Variants in PLEKHO2 observed in about 807,000 individuals in gnomAD.
PLEKHO2 encodes the protein pleckstrin homology domain containing O2.
Under a neutral mutation model 32.7 loss-of-function variants are expected in PLEKHO2, and 20 were observed. That is an observed-to-expected ratio of 0.61 (90% CI 0.43 to 0.89). PLEKHO2 has a LOEUF of 0.89. PLEKHO2 is among the 40% of genes least tolerant of loss of function. The pLI is 0.00. For missense variants in PLEKHO2, 568 were observed against 621.2 expected, an observed-to-expected ratio of 0.91 and a Z score of 0.91; for synonymous variants, 247 against 246.3, an observed-to-expected ratio of 1.00 and a Z score of -0.03.
At chr15:64,855,177 A>G (rs1404707680) in intron 3 of PLEKHO2, 140 bp downstream of exon 3, 1 of 645,970 alleles carries the variant, frequency 1.5e-6, no homozygotes, top group Admixed American at 2.5e-5. Flanking sequence ...CCTAGCAGCC[A>G]CCATAGGTCA....
In PLEKHO2 at chr15:64,865,380, A is replaced by G. The variant is rs1017514825; in HGVS notation, c.965A>G (p.Lys322Arg). 1.2e-6 allele frequency: 2 copies of G among 1,613,664 alleles called. No homozygotes were observed. The highest frequency in any genetic ancestry group is 1.7e-6 in the Non-Finnish European group (2 of 1,179,686). Residue 322 changes from lysine (K) to arginine (R), a missense_variant, in exon 6 of 6, where the codon AAA (lysine) becomes AGA (arginine). By Grantham distance (26) the Lys-to-Arg change is conservative (BLOSUM62 2). Transcript: ENST00000323544. ...PPPKILSEKL[K>R]ASMGEMQASG... ...CCCAAGATCTTATCAGAGAAACTGA[A>G]AGCCTCCATGGGTGAGATGCAGGCT...
At position 64,860,116 on chromosome 15, in the gene PLEKHO2, G is replaced by A. The variant is rs1261113592; in HGVS notation, c.384+118G>A. The A allele has an allele frequency of 2.7e-5, 23 of 839,070 alleles. No homozygotes were observed. The East Asian group carries it at 5.9e-4, about 22-fold the overall frequency. The allele number at this position is 839,070 out of a possible 1,614,324, so 52.0% of individuals were successfully genotyped here. On this transcript the variant is annotated intron_variant, in intron 4 of 5. Transcript: ENST00000323544. Reference sequence around the variant, plus strand: ...TACCCCTTGATTATGTCACTGCTATGGGGCATTGTTGTTACCTTCTATAGT... The same window carrying A: ...TACCCCTTGATTATGTCACTGCTATAGGGCATTGTTGTTACCTTCTATAGT...
At chr15:64,863,615 G>A (rs1342116713) in intron 5 of PLEKHO2, among the ~76,000 whole-genome samples, 1 of 151,904 alleles carries the variant, frequency 6.6e-6, no homozygotes, top group Non-Finnish European at 1.5e-5. Flanking sequence ...TCCTGTGTAT[G>A]TATAAAAGGG....
intron 1 of PLEKHO2, among the ~76,000 whole-genome samples, chr15:64,845,848 G>A (rs779632334): frequency 5.9e-5 from 9 of 152,218 alleles, no homozygotes; most frequent in Non-Finnish European, 1.3e-4. Context: ...AGAAAGGGGT[G>A]TGAGATCCCT....
chr15:64,859,328 C>G (rs1293879747), intron 3 of PLEKHO2, among the ~76,000 whole-genome samples: 1 of 152,224 alleles, frequency 6.6e-6, no homozygotes, highest in Non-Finnish European at 1.5e-5. Context: ...GAAACTGAGG[C>G]CTGAGGTCAG....
rs1001583452 is a variant in PLEKHO2, at chr15:64,866,256, G to A, written c.*368G>A. On this transcript the variant is annotated 3_prime_UTR_variant, in exon 6 of 6. Transcript: ENST00000323544. ...TCATCTCTGTTCCCCATCCCCAGTA[G>A]TTTACATTCCTGACTTCTGAATACA... The A allele has an allele frequency of 4.4e-6, 2 of 459,596 alleles. No individual in the cohort carries two copies. The highest frequency in any genetic ancestry group is 4.0e-5 in the African/African-American group (2 of 50,528). 28.5% of individuals were successfully genotyped at this position (459,596 alleles called of 1,614,324 possible).
In PLEKHO2 at chr15:64,848,601, G is replaced by A. The variant is rs143420220; in HGVS notation, c.21G>A (p.Lys7=). Reference sequence around the variant, plus strand: ...CTGGTGCTGTGTTACAGGGTGTGAAGGAAGCCGGTGAGAAGCCTCGGGGAG... The same window carrying A: ...CTGGTGCTGTGTTACAGGGTGTGAAAGAAGCCGGTGAGAAGCCTCGGGGAG... MEEEGV[K]EAGEKPRGAQ... Residue 7 remains lysine, a synonymous_variant, in exon 2 of 6, where the codon AAG becomes AAA. Transcript: ENST00000323544. The A allele has an allele frequency of 7.4e-4, 1,190 of 1,614,182 alleles. 2 individuals carry two copies. Among genetic ancestry groups the A allele is most frequent in the Non-Finnish European group, 9.5e-4 (1,116 of 1,180,028 alleles).
chr15:64,859,995 T>A lies in PLEKHO2; in HGVS notation c.381T>A (p.Asp127Glu). 1 of 1,613,536 alleles carries A rather than the reference T, an allele frequency of 6.2e-7. No homozygotes were observed. The highest frequency in any genetic ancestry group is 8.5e-7 in the Non-Finnish European group (1 of 1,179,448). ...GINRGKNKAF[D>E]EVKVDKSCAL... Reference sequence around the variant, plus strand: ...ACCGAGGCAAAAACAAGGCTTTCGATGAGGTGCGATGCAGTCTGTGGACAT... The same window carrying A: ...ACCGAGGCAAAAACAAGGCTTTCGAAGAGGTGCGATGCAGTCTGTGGACAT... Residue 127 changes from aspartate to glutamate, a missense_variant, in exon 4 of 6, where the codon GAT (aspartate) becomes GAA (glutamate). Coordinates refer to ENST00000323544, the MANE Select transcript of PLEKHO2 (RefSeq NM_025201.5).
At chr15:64,860,429 G>A (rs2084633694) in intron 4 of PLEKHO2, among the ~76,000 whole-genome samples, 1 of 152,190 alleles carries the variant, frequency 6.6e-6, no homozygotes, top group African/African-American at 2.4e-5. Flanking sequence ...TGTCTGCAAT[G>A]ACCATTCAGC....
chr15:64,854,326 C>G (rs2084591560), intron 2 of PLEKHO2, among the ~76,000 whole-genome samples: 1 of 152,284 alleles, frequency 6.6e-6, no homozygotes, highest in East Asian at 1.9e-4. Flanking sequence ...GGAGCCCTTG[C>G]CTGTTGCTTG....
At chr15:64,864,758 A>G (rs905727015) in intron 5 of PLEKHO2, 141 bp from the exon 6 acceptor site, 2 of 779,070 alleles carry the variant, frequency 2.6e-6, no homozygotes, top group Non-Finnish European at 4.0e-6. Flanking sequence ...AAGTAGCCAC[A>G]GAAGCCAGGA....
At chr15:64,842,079 C>T (rs2084488079) in intron 1 of PLEKHO2, 51 bp downstream of exon 1, 4 of 1,227,442 alleles carry the variant, frequency 3.3e-6, no homozygotes, top group Non-Finnish European at 4.1e-6. Context: ...GAGCCCCTCA[C>T]GGGGATTGCG....
At chr15:64,861,981 A>G (rs1480389810) in intron 5 of PLEKHO2, among the ~76,000 whole-genome samples, 1 of 152,074 alleles carries the variant, frequency 6.6e-6, no homozygotes, top group Non-Finnish European at 1.5e-5. Flanking sequence ...GGCAGGAGGG[A>G]CCACAAGGAG....
chr15:64,842,041 C>A lies in PLEKHO2; in HGVS notation c.12+13C>A. On this transcript the variant is annotated intron_variant, in intron 1 of 5. Coordinates refer to ENST00000323544, the MANE Select transcript of PLEKHO2 (RefSeq NM_025201.5). The stretch of plus-strand genomic sequence containing the variant: ...CATGGAGGAGGAGGTGAGGGCGGGG[C>A]CCGGCGGGGCGTTGGGCTGGGGTCC... The A allele has an allele frequency of 8.1e-7, 1 of 1,239,416 alleles. No individual in the cohort carries two copies. The highest frequency in any genetic ancestry group is 3.2e-5 in the East Asian group (1 of 31,740). 76.8% of individuals were successfully genotyped at this position (1,239,416 alleles called of 1,614,324 possible).
chr15:64,845,270 G>A (rs866703392), intron 1 of PLEKHO2, among the ~76,000 whole-genome samples: 1 of 151,168 alleles, frequency 6.6e-6, no homozygotes. Flanking sequence ...GGTGCCTAGG[G>A]GTGCCTCAGG....
intron 1 of PLEKHO2, among the ~76,000 whole-genome samples, chr15:64,847,702 C>T (rs1215855970): frequency 1.3e-5 from 2 of 152,164 alleles, no homozygotes; most frequent in Admixed American, 1.3e-4. Context: ...CTACCCAAGT[C>T]CAAGAGAAGG....
At position 64,863,514 on chromosome 15, in the gene PLEKHO2, TG is replaced by T. The variant is rs2084657761; in HGVS notation, c.484-1384del. 5.5e-5 allele frequency among the ~76,000 whole-genome samples: 6 copies of T among 109,220 alleles called. No individual in the cohort carries two copies. In the South Asian group the frequency reaches 1.9e-3, roughly 34 times the overall value. The allele number at this position is 109,220 out of a possible 152,430, so 71.7% of individuals were successfully genotyped here. A position where few individuals can be genotyped will look rare whatever the true frequency, so the allele number is the denominator to read the frequency against. On this transcript the variant is annotated intron_variant, in intron 5 of 5. Transcript: ENST00000323544. ...AGTTCAGGGAGGCGCTGTGTGTGTG[TG>T]TGTTTGTGTGTGTGTGTGTGTGTGT...
intron 2 of PLEKHO2, among the ~76,000 whole-genome samples, chr15:64,851,188 G>C (rs7164323): frequency 0.016 from 2,481 of 152,298 alleles, 78 homozygotes; most frequent in African/African-American, 0.056. Flanking sequence ...ACCCCCAGAT[G>C]TTCTCTACTG....
Position 64,841,992 on chromosome 15 carries a change from G to T in PLEKHO2, c.-25G>T. On this transcript the variant is annotated 5_prime_UTR_variant, in exon 1 of 6. Coordinates refer to ENST00000323544, the MANE Select transcript of PLEKHO2 (RefSeq NM_025201.5). ...CGCGGCGCTGGAAGCGAGTGGCGGA[G>T]CGGCGGGACCTCGGCGGACTCGCCA... 1 of 1,247,042 alleles carries T rather than the reference G, an allele frequency of 8.0e-7. No homozygotes were observed. Among genetic ancestry groups the T allele is most frequent in the South Asian group, 3.4e-5 (1 of 29,072 alleles). The allele number at this position is 1,247,042 out of a possible 1,614,324, so 77.2% of individuals were successfully genotyped here.
Sources: allele counts gnomAD v4.1 joint callset (sites outside exome capture counted in the v4.1 genomes callset), GRCh38; gene constraint gnomAD v4.1.1; transcripts MANE v1.5; gene names NCBI Gene and HGNC (gene_info 2026-07-23, HGNC 2026-07-21).